Variants in ARHGAP8 observed in about 807,000 individuals in gnomAD.
The protein encoded by ARHGAP8 is Rho GTPase activating protein 8.
ARHGAP8 carries 62 observed loss-of-function variants against 46.1 expected under a neutral mutation model. That is an observed-to-expected ratio of 1.34 (90% CI 1.10 to 1.66). The LOEUF (loss-of-function observed/expected upper bound fraction) is 1.66. Among genes scored for constraint, ARHGAP8 ranks in the 40% most tolerant of loss-of-function variants. The pLI, the probability that ARHGAP8 is intolerant of heterozygous loss-of-function variation, is 0.00. For missense variants in ARHGAP8, 923 were observed against 568.4 expected (o/e 1.62, Z -6.34); for synonymous variants, 375 against 243.1 (o/e 1.54, Z -5.05).
At chr22:44,855,541 C>T (rs1188762570) in intron 10 of ARHGAP8, among the ~76,000 whole-genome samples, 1 of 152,176 alleles carries the variant, frequency 6.6e-6, no homozygotes, top group Admixed American at 6.5e-5. Context: ...AAGTTGTTAT[C>T]AGTATTTCAG....
chr22:44,755,802 G>T (rs1924623998), intron 1 of ARHGAP8, among the ~76,000 whole-genome samples: 1 of 152,174 alleles, frequency 6.6e-6, no homozygotes, highest in African/African-American at 2.4e-5. Flanking sequence ...GATAATGTCA[G>T]GGCTCAGGAG....
intron 1 of ARHGAP8, among the ~76,000 whole-genome samples, chr22:44,771,734 T>C (rs913632625): frequency 1.3e-5 from 2 of 150,650 alleles, no homozygotes; most frequent in African/African-American, 4.9e-5. Context: ...TTTGTGTTTT[T>C]AGTAGAGATA....
intron 2 of ARHGAP8, among the ~76,000 whole-genome samples, chr22:44,787,919 C>CTTTT (rs1194920444): frequency 5.6e-5 from 5 of 89,084 alleles, no homozygotes; most frequent in East Asian, 4.8e-4. Flanking sequence ...CCCAAATGTC[C>CTTTT]TTTTTTTTTT....
At chr22:44,795,725 A>C (rs1196636609) in intron 2 of ARHGAP8, among the ~76,000 whole-genome samples, 1 of 152,088 alleles carries the variant, frequency 6.6e-6, no homozygotes, top group Non-Finnish European at 1.5e-5. Context: ...GCGGTGGCCC[A>C]TTGTGGCCCA....
At chr22:44,859,860 G>T (rs1233048719) in intron 11 of ARHGAP8, 26 bp downstream of exon 11, 3 of 1,609,322 alleles carry the variant, frequency 1.9e-6, no homozygotes, top group South Asian at 1.1e-5. Flanking sequence ...GGGAGCTTGG[G>T]GTGAAGCCCA....
rs186985490 is a variant in ARHGAP8 at position 44,784,623 on chromosome 22, C to A, written c.-71-1834C>A. ...CCAATCCCTCCAGGATACTGAGAGACAACTGTACTTTGGGCCCAACTGGAT... is the reference window on the plus strand; with the variant it reads ...CCAATCCCTCCAGGATACTGAGAGAAAACTGTACTTTGGGCCCAACTGGAT... On this transcript the variant is annotated intron_variant, in intron 1 of 11. Coordinates refer to ENST00000356099, the MANE Select transcript of ARHGAP8 (RefSeq NM_181335.3). Among the ~76,000 whole-genome samples, 254 of 152,232 alleles carry A rather than the reference C, an allele frequency of 1.7e-3. 1 individual carries two copies. Among genetic ancestry groups the A allele is most frequent in the African/African-American group, 5.8e-3 (240 of 41,552 alleles).
intron 1 of ARHGAP8, among the ~76,000 whole-genome samples, chr22:44,754,371 T>TGTGTGTGTGTGTGTGTGTGTGTGTGA (rs1924499840): frequency 6.8e-6 from 1 of 146,062 alleles, no homozygotes; most frequent in African/African-American, 2.7e-5. Flanking sequence ...TGTGTGTGTG[T>TGTGTGTGTGTGTGTGTGTGTGTGTGA]GTGACGCAGT....
intron 1 of ARHGAP8, among the ~76,000 whole-genome samples, chr22:44,762,399 G>C (rs906715039): frequency 2.0e-5 from 3 of 151,850 alleles, no homozygotes; most frequent in East Asian, 1.9e-4. Context: ...TCATACCACT[G>C]TACTCCAACC....
intron 6 of ARHGAP8, among the ~76,000 whole-genome samples, chr22:44,822,947 G>A (rs1930259595): frequency 6.6e-6 from 1 of 152,188 alleles, no homozygotes. Flanking sequence ...GATGAATAGA[G>A]GCTGCCCAGA....
At chr22:44,842,331 TG>T (rs1931706058) in intron 7 of ARHGAP8, among the ~76,000 whole-genome samples, 2 of 152,132 alleles carry the variant, frequency 1.3e-5, no homozygotes. Flanking sequence ...CACTCCAGCC[TG>T]GGGGACAGAG....
intron 1 of ARHGAP8, among the ~76,000 whole-genome samples, chr22:44,783,429 C>T (rs146262078): frequency 6.6e-6 from 1 of 152,208 alleles, no homozygotes. Flanking sequence ...GCTCGGCCCC[C>T]ACAGGCCTCC....
intron 8 of ARHGAP8, among the ~76,000 whole-genome samples, chr22:44,846,272 C>G (rs2147161412): frequency 6.6e-6 from 1 of 152,378 alleles, no homozygotes; most frequent in Non-Finnish European, 1.5e-5. Context: ...AGCCCTGCAC[C>G]TTTCTGGTTA....
rs144526462 is a variant in ARHGAP8, at chr22:44,862,416, G to A, written c.1123G>A (p.Glu375Lys). The A allele has an allele frequency of 1.2e-3, 1,866 of 1,614,076 alleles. 6 individuals carry two copies. Among genetic ancestry groups the A allele is most frequent in the East Asian group, 4.6e-3 (205 of 44,872 alleles). The change falls in exon 12 of 12, where the codon GAG becomes AAG. Residue 375 changes from glutamate to lysine, a missense_variant. Transcript: ENST00000356099. ...PLNMFTELLI[E>K]YYEKIFSTPE... The stretch of plus-strand genomic sequence containing the variant: ...GAACATGTTCACTGAACTGCTGATC[G>A]AGTACTATGAAAAGATCTTCAGCAC...
chr22:44,860,900 T>G (rs965514606), intron 11 of ARHGAP8, among the ~76,000 whole-genome samples: 2 of 152,154 alleles, frequency 1.3e-5, no homozygotes, highest in Non-Finnish European at 2.9e-5. Context: ...AGGCGTCACA[T>G]CCCAGAGTCT....
At chr22:44,759,408 C>T (rs7284294) in intron 1 of ARHGAP8, among the ~76,000 whole-genome samples, 28,753 of 152,206 alleles carry the variant, frequency 0.19, 3,374 homozygotes, top group Non-Finnish European at 0.27. Flanking sequence ...AGCATCAGGA[C>T]GCTTTTGGCT....
intron 7 of ARHGAP8, among the ~76,000 whole-genome samples, chr22:44,844,195 C>G (rs1452306047): frequency 6.6e-6 from 1 of 152,132 alleles, no homozygotes; most frequent in Non-Finnish European, 1.5e-5. Context: ...TAGGCTTGAA[C>G]TCCTGACCTC....
At chr22:44,835,433 C>T (rs1931219876) in intron 7 of ARHGAP8, among the ~76,000 whole-genome samples, 1 of 152,016 alleles carries the variant, frequency 6.6e-6, no homozygotes, top group South Asian at 2.1e-4. Flanking sequence ...TCCTGGCCAA[C>T]ATGGTGAAAC....
At chr22:44,837,565 C>T (rs1029621838) in intron 7 of ARHGAP8, among the ~76,000 whole-genome samples, 5 of 152,150 alleles carry the variant, frequency 3.3e-5, no homozygotes, top group Non-Finnish European at 7.3e-5. Context: ...TACGATTCAC[C>T]GGCGCCCTGG....
intron 10 of ARHGAP8, among the ~76,000 whole-genome samples, chr22:44,858,843 A>C (rs1341837328): frequency 1.3e-5 from 2 of 151,418 alleles, no homozygotes; most frequent in East Asian, 1.9e-4. Flanking sequence ...AATCCTGAGC[A>C]GGCAGTTCGT....
Sources: allele counts gnomAD v4.1 joint callset (sites outside exome capture counted in the v4.1 genomes callset), GRCh38; gene constraint gnomAD v4.1.1; transcripts MANE v1.5; gene names NCBI Gene and HGNC (gene_info 2026-07-23, HGNC 2026-07-21).